SETBP1: variants seen among roughly 807,000 people sequenced by gnomAD.
SETBP1 encodes SET binding protein 1.
A neutral mutation model predicts 101.0 loss-of-function variants in SETBP1; 9 were observed. The observed-to-expected ratio is 0.09, with a 90% CI of 0.05 to 0.16. SETBP1 has a LOEUF of 0.16. Ranked by LOEUF, SETBP1 falls within the 10% of genes least tolerant of loss-of-function variation. The pLI is 1.00. For synonymous variants in SETBP1, 818 were observed against 788.5 expected, an observed-to-expected ratio of 1.04 and a Z score of -0.63; for missense variants, 1,858 against 2,033.8, an observed-to-expected ratio of 0.91 and a Z score of 1.66.
intron 2 of SETBP1, among the ~76,000 whole-genome samples, chr18:44,808,800 G>C (rs1026806517): frequency 6.6e-6 from 1 of 152,164 alleles, no homozygotes; most frequent in Non-Finnish European, 1.5e-5. Flanking sequence ...ATTGATCAAG[G>C]AAGACTTACA....
intron 4 of SETBP1, among the ~76,000 whole-genome samples, chr18:45,006,599 T>C (rs929865802): frequency 2.6e-5 from 4 of 152,204 alleles, no homozygotes; most frequent in Non-Finnish European, 4.4e-5. Context: ...CGCCCCTAAC[T>C]CTGCCTTCAT....
upstream of SETBP1, chr18:44,680,387 G>C (rs1365543281): frequency 6.6e-6 from 1 of 151,766 alleles, no homozygotes; most frequent in African/African-American, 2.4e-5. Flanking sequence ...CGGAGCCGCC[G>C]GGACATGGGT....
intron 2 of SETBP1, among the ~76,000 whole-genome samples, chr18:44,792,503 T>A (rs1396301157): frequency 1.3e-5 from 2 of 152,192 alleles, no homozygotes; most frequent in Non-Finnish European, 2.9e-5. Context: ...GGGTCTTTGG[T>A]GGTAGAGCCA....
intron 2 of SETBP1, among the ~76,000 whole-genome samples, chr18:44,793,841 CTCTT>C (rs1461295975): frequency 2.0e-5 from 3 of 152,218 alleles, no homozygotes; most frequent in African/African-American, 7.2e-5. Flanking sequence ...ATTCCAGTCT[CTCTT>C]TCTCTCTCTT....
chr18:45,015,622 T>C (rs2072924985), intron 4 of SETBP1, among the ~76,000 whole-genome samples: 2 of 152,082 alleles, frequency 1.3e-5, no homozygotes. Flanking sequence ...CTCACAAACG[T>C]GTTTGTGAGA....
intron 2 of SETBP1, among the ~76,000 whole-genome samples, chr18:44,844,043 C>T (rs1205819524): frequency 2.0e-5 from 3 of 152,112 alleles, no homozygotes; most frequent in Non-Finnish European, 4.4e-5. Context: ...TCACTCCTGT[C>T]ATTTTTTTTA....
chr18:44,728,674 C>T (rs551678470), intron 2 of SETBP1, among the ~76,000 whole-genome samples: 4 of 152,114 alleles, frequency 2.6e-5, no homozygotes, highest in East Asian at 1.9e-4. Flanking sequence ...CCTCCAAATC[C>T]TATTGGGGGC....
chr18:44,939,843 T>C (rs2071047466), intron 3 of SETBP1, among the ~76,000 whole-genome samples: 1 of 152,240 alleles, frequency 6.6e-6, no homozygotes, highest in East Asian at 1.9e-4. Context: ...CACTGGTCAT[T>C]CCTGCTTGTT....
chr18:44,822,590 A>G (rs2072135187), intron 2 of SETBP1, among the ~76,000 whole-genome samples: 1 of 152,116 alleles, frequency 6.6e-6, no homozygotes, highest in East Asian at 1.9e-4. Flanking sequence ...TTAGATTGCA[A>G]CTCTTTGCAG....
intron 2 of SETBP1, among the ~76,000 whole-genome samples, chr18:44,860,805 A>C (rs772000471): frequency 1.6e-4 from 25 of 152,188 alleles, no homozygotes; most frequent in Non-Finnish European, 2.8e-4. Flanking sequence ...TGAGTAACTC[A>C]TGCACATATT....
chr18:44,823,691 T>C (rs2072168017), intron 2 of SETBP1, among the ~76,000 whole-genome samples: 1 of 152,090 alleles, frequency 6.6e-6, no homozygotes, highest in South Asian at 2.1e-4. Context: ...AATAAAGAAA[T>C]AGAAATAATC....
intron 2 of SETBP1, among the ~76,000 whole-genome samples, chr18:44,738,773 CAAAAAAAA>C (rs34390519): frequency 2.5e-5 from 2 of 79,784 alleles, no homozygotes; most frequent in South Asian, 4.3e-4. Flanking sequence ...GACTCCATCT[CAAAAAAAA>C]AAAAAAAAAA....
Position 44,885,900 on chromosome 18 carries a change from A to G in SETBP1, c.540+16617A>G, listed in dbSNP as rs137956543. 1.3e-3 allele frequency among the ~76,000 whole-genome samples: 194 copies of G among 147,042 alleles called. 2 individuals carry two copies. Among genetic ancestry groups the G allele is most frequent in the South Asian group, 5.9e-3 (27 of 4,542 alleles). On this transcript the variant is annotated intron_variant, in intron 3 of 5. Coordinates refer to ENST00000649279, the MANE Select transcript of SETBP1 (RefSeq NM_015559.3). ...GACTTACCCTGTGAGAGTTGCTTCA[A>G]TTCTGCTATTCCTTGTGTCCTCCGT...
chr18:44,817,363 A>G (rs2072001685), intron 2 of SETBP1, among the ~76,000 whole-genome samples: 2 of 151,918 alleles, frequency 1.3e-5, no homozygotes, highest in South Asian at 4.2e-4. Flanking sequence ...TTGTCAGACC[A>G]CCTCCACGCA....
intron 3 of SETBP1, among the ~76,000 whole-genome samples, chr18:44,934,979 G>A (rs534151480): frequency 2.0e-5 from 3 of 152,312 alleles, no homozygotes; most frequent in South Asian, 2.1e-4. Flanking sequence ...TTGACATGGG[G>A]ACCCACATGA....
At chr18:45,011,723 A>G (rs557456572) in intron 4 of SETBP1, among the ~76,000 whole-genome samples, 18 of 152,340 alleles carry the variant, frequency 1.2e-4, no homozygotes, top group African/African-American at 4.1e-4. Context: ...CTGCCCCTGC[A>G]TGTGCATTGG....
chr18:44,725,119 A>G (rs2144359389), intron 2 of SETBP1, among the ~76,000 whole-genome samples: 1 of 152,250 alleles, frequency 6.6e-6, no homozygotes, highest in Admixed American at 6.5e-5. Context: ...CCATCAGATA[A>G]ATGTAAAAGG....
At chr18:44,948,986 A>AT (rs11395580) in intron 3 of SETBP1, among the ~76,000 whole-genome samples, 35,578 of 151,396 alleles carry the variant, frequency 0.23, 4,475 homozygotes, top group East Asian at 0.54. Flanking sequence ...AATGACAACT[A>AT]TTTTTTTTTC....
intron 4 of SETBP1, among the ~76,000 whole-genome samples, chr18:45,026,389 A>T (rs930697376): frequency 1.7e-4 from 26 of 152,164 alleles, no homozygotes; most frequent in Admixed American, 1.7e-3. Context: ...CACCCTCTGT[A>T]TGTGACACTA....
Sources: allele counts gnomAD v4.1 joint callset (sites outside exome capture counted in the v4.1 genomes callset), GRCh38; gene constraint gnomAD v4.1.1; transcripts MANE v1.5; gene names NCBI Gene and HGNC (gene_info 2026-07-23, HGNC 2026-07-21).